BRD4: variants seen among roughly 807,000 people sequenced by gnomAD.
BRD4 encodes bromodomain containing 4, also known as bromodomain-containing protein 4.
A neutral mutation model predicts 142.1 loss-of-function variants in BRD4; 16 were observed. The observed-to-expected ratio is 0.11, with a 90% CI of 0.08 to 0.17. The LOEUF (loss-of-function observed/expected upper bound fraction) is 0.17, where lower values mean the gene tolerates loss of function less well. Ranked by LOEUF, BRD4 falls within the 10% of genes least tolerant of loss-of-function variation. BRD4 has a pLI of 1.00. For missense variants in BRD4, 1,424 were observed against 1,810.9 expected (o/e 0.79, Z 3.88); for synonymous variants, 833 against 707.5 (o/e 1.18, Z -2.82).
At chr19:15,249,848 A>G (rs2047325563) in intron 11 of BRD4, among the ~76,000 whole-genome samples, 2 of 152,086 alleles carry the variant, frequency 1.3e-5, no homozygotes, top group Non-Finnish European at 2.9e-5. Flanking sequence ...AAACAGCCTC[A>G]TCTCTGCATT....
intron 1 of BRD4, among the ~76,000 whole-genome samples, chr19:15,301,841 G>A (rs185932926): frequency 5.2e-4 from 73 of 141,102 alleles, no homozygotes; most frequent in African/African-American, 6.2e-4. Context: ...CAGCCTGGGC[G>A]ACAGAGCGAG....
chr19:15,243,004 G>C lies in BRD4; in HGVS notation c.3065C>G (p.Pro1022Arg). 1 of 1,548,178 alleles carries C rather than the reference G, an allele frequency of 6.5e-7. No individual in the cohort carries two copies. The highest frequency in any genetic ancestry group is 8.7e-7 in the Non-Finnish European group (1 of 1,148,230). The change falls in exon 14 of 20, where the codon CCG becomes CGG. Residue 1022 changes from proline to arginine, a missense_variant. By Grantham distance (103) the Pro-to-Arg change is moderately radical (BLOSUM62 -2). Transcript: ENST00000679869. ...PPPQGQQPPH[P>R]PPGQQPPPPQ... Reference sequence around the variant, plus strand: ...CGGGGGTGGCTGCTGGCCTGGGGGCGGATGGGGGGGCTGCTGGCCCTGGGG... The same window carrying C: ...CGGGGGTGGCTGCTGGCCTGGGGGCCGATGGGGGGGCTGCTGGCCCTGGGG...
At chr19:15,240,849 G>A (rs2145504999) in intron 14 of BRD4, among the ~76,000 whole-genome samples, 1 of 152,284 alleles carries the variant, frequency 6.6e-6, no homozygotes, top group East Asian at 1.9e-4. Flanking sequence ...TGCAGCTCGG[G>A]ACAAGCCACA....
intron 7 of BRD4, among the ~76,000 whole-genome samples, chr19:15,262,827 T>C (rs764638127): frequency 6.6e-6 from 1 of 152,348 alleles, no homozygotes; most frequent in East Asian, 1.9e-4. Flanking sequence ...AAGAAAGTCA[T>C]TTTTTAAACT....
At chr19:15,323,583 T>G (rs369512472) in intron 1 of BRD4, among the ~76,000 whole-genome samples, 1 of 152,204 alleles carries the variant, frequency 6.6e-6, no homozygotes, top group Non-Finnish European at 1.5e-5. Flanking sequence ...GACATGTATG[T>G]GTTACTGCCT....
intron 2 of BRD4, among the ~76,000 whole-genome samples, chr19:15,269,537 T>C (rs1300006943): frequency 6.6e-6 from 1 of 152,136 alleles, no homozygotes; most frequent in East Asian, 1.9e-4. Context: ...TCCTGCCTCC[T>C]TGTCACCATG....
intron 13 of BRD4, among the ~76,000 whole-genome samples, chr19:15,243,816 T>G (rs1218283412): frequency 2.0e-5 from 3 of 152,102 alleles, no homozygotes; most frequent in Non-Finnish European, 4.4e-5. Flanking sequence ...GGTGGCCCTG[T>G]CCCCATATCC....
chr19:15,244,523 C>A lies in BRD4; in HGVS notation c.2289G>T (p.Gln763His), dbSNP rs1252040798. 1 of 782,848 alleles carries A rather than the reference C, an allele frequency of 1.3e-6. No homozygotes were observed. The highest frequency in any genetic ancestry group is 2.3e-5 in the South Asian group (1 of 44,180). 48.5% of individuals were successfully genotyped at this position (782,848 alleles called of 1,614,324 possible). The change falls in exon 13 of 20, where the codon CAG becomes CAT. Residue 763 changes from glutamine (Q) to histidine (H), a missense_variant. Physicochemically the swap from Gln to His is conservative, Grantham distance 24 (BLOSUM62 0). This residue lies in a region of BRD4 where 598 missense variants were observed against 647.8 expected (regional missense o/e 0.92). Transcript: ENST00000679869. The part of the protein sequence containing the change: ...VPQQPPPPPQ[Q>H]PPPPPPPQQQ... ...GCTGCGGAGGTGGAGGCGGTGGGGG[C>A]TGCTGGGGAGGCGGGGGCGGCTGCT...
At position 15,242,776 on chromosome 19, in the gene BRD4, A is replaced by T. The variant is rs371741949; in HGVS notation, c.3169+124T>A. ...CAATGACCCTTCCAGGTCCCCCTCC[A>T]AGCTGAGGCTCAGCTCTGAACCCAC... is the stretch of plus-strand genomic sequence containing the variant. On this transcript the variant is annotated intron_variant, in intron 14 of 19. Transcript: ENST00000679869. 293 of 1,437,462 alleles carry T rather than the reference A, an allele frequency of 2.0e-4. No homozygotes were observed. The African/African-American group carries it at 3.7e-3, about 18-fold the overall frequency. 89.0% of individuals were successfully genotyped at this position (1,437,462 alleles called of 1,614,324 possible). A position where few individuals can be genotyped will look rare whatever the true frequency, so the allele number is the denominator to read the frequency against.
intron 1 of BRD4, among the ~76,000 whole-genome samples, chr19:15,287,002 CCAGT>C (rs1385694343): frequency 6.6e-6 from 1 of 152,166 alleles, no homozygotes; most frequent in Non-Finnish European, 1.5e-5. Flanking sequence ...TGGTTAGACC[CCAGT>C]CAGTTTCCAC....
At chr19:15,330,724 G>C (rs949741399) in intron 1 of BRD4, among the ~76,000 whole-genome samples, 8 of 152,132 alleles carry the variant, frequency 5.3e-5, no homozygotes, top group Non-Finnish European at 1.0e-4. Context: ...CCGAGATCGC[G>C]CCACTGCACT....
rs1324270539 is a variant in BRD4, at chr19:15,249,111, G to A, written c.2159-4349C>T. On this transcript the variant is annotated intron_variant, in intron 11 of 19. Coordinates refer to ENST00000679869, the MANE Select transcript of BRD4 (RefSeq NM_001379291.1). Reference sequence around the variant, plus strand: ...TTCCCGAAGGCGGGACTAGGCGTGTGCTGCTGGACATGACTAATCCACCCC... The same window carrying A: ...TTCCCGAAGGCGGGACTAGGCGTGTACTGCTGGACATGACTAATCCACCCC... 6 of 1,119,128 alleles carry A rather than the reference G, an allele frequency of 5.4e-6. No individual in the cohort carries two copies. The Admixed American group carries it at 1.1e-4, about 20-fold the overall frequency. The allele number at this position is 1,119,128 out of a possible 1,614,324, so 69.3% of individuals were successfully genotyped here. A position where few individuals can be genotyped will look rare whatever the true frequency, so the allele number is the denominator to read the frequency against.
intron 1 of BRD4, among the ~76,000 whole-genome samples, chr19:15,328,578 T>G (rs1386663191): frequency 6.6e-6 from 1 of 152,222 alleles, no homozygotes; most frequent in Non-Finnish European, 1.5e-5. Flanking sequence ...ACCGAACAAT[T>G]ATGTCCACGG....
chr19:15,244,558 G>A lies in BRD4; in HGVS notation c.2254C>T (p.Pro752Ser). Residue 752 changes from proline to serine, a missense_variant, in exon 13 of 20, where the codon CCT becomes TCT. Physicochemically the swap from Pro to Ser is moderately conservative, Grantham distance 74. This residue lies in a region of BRD4 where 598 missense variants were observed against 647.8 expected (regional missense o/e 0.92). Coordinates refer to ENST00000679869, the MANE Select transcript of BRD4 (RefSeq NM_001379291.1). The stretch of plus-strand genomic sequence containing the variant: ...GGCGGGGGCGGCTGCTGGGGCACAG[G>A]AGCCGGGGCCTGCTGCATCTGCTGA... ...HHQQMQQAPA[P>S]VPQQPPPPPQ... The A allele has an allele frequency of 1.9e-6, 3 of 1,602,704 alleles. No homozygotes were observed. The highest frequency in any genetic ancestry group is 1.3e-5 in the African/African-American group (1 of 74,850).
At chr19:15,271,251 T>C (rs2047584279) in intron 2 of BRD4, among the ~76,000 whole-genome samples, 1 of 152,200 alleles carries the variant, frequency 6.6e-6, no homozygotes, top group African/African-American at 2.4e-5. Flanking sequence ...AGCTGACCCC[T>C]CTGCTATTCT....
chr19:15,285,363 G>A (rs1040872201), intron 1 of BRD4, among the ~76,000 whole-genome samples: 6 of 152,190 alleles, frequency 3.9e-5, no homozygotes, highest in African/African-American at 7.2e-5. Context: ...TGGGCAACAT[G>A]GCAAAACCGT....
chr19:15,324,386 G>A (rs1297747916), intron 1 of BRD4, among the ~76,000 whole-genome samples: 1 of 152,182 alleles, frequency 6.6e-6, no homozygotes, highest in Non-Finnish European at 1.5e-5. Context: ...AACCTTTGTG[G>A]AACCGGATCC....
intron 1 of BRD4, among the ~76,000 whole-genome samples, chr19:15,304,212 G>A (rs2047894778): frequency 6.6e-6 from 1 of 152,086 alleles, no homozygotes; most frequent in Non-Finnish European, 1.5e-5. Flanking sequence ...CGACTACCAG[G>A]TCCCCCGGAT....
chr19:15,253,561 G>C, intron 11 of BRD4: 1 of 1,562,746 alleles, frequency 6.4e-7, no homozygotes, highest in Non-Finnish European at 8.6e-7. Flanking sequence ...GCAGATTCAG[G>C]AGCAGCCAAC....
Sources: gnomAD v4.1 joint callset for allele counts (sites outside exome capture counted in the v4.1 genomes callset) on GRCh38, gnomAD v4.1.1 for gene constraint, gnomAD v4.1.1 regional missense constraint, MANE v1.5 for transcripts, NCBI Gene and HGNC (gene_info 2026-07-23, HGNC 2026-07-21) for gene names.